The following TTBK2 variants were observed in gnomAD, a reference collection of about 807,000 sequenced individuals.
TTBK2 encodes the protein tau tubulin kinase 2.
In TTBK2, 28 loss-of-function variants were observed where a neutral mutation model predicts 110.8. The ratio of observed to expected loss-of-function variants is 0.25; its 90% CI spans 0.19 to 0.35. TTBK2 has a LOEUF of 0.35. Among genes scored for constraint, TTBK2 ranks in the 10% least tolerant of loss-of-function variants. The pLI is 1.00. For missense variants in TTBK2, 1,369 were observed against 1,500.3 expected, an observed-to-expected ratio of 0.91 and a Z score of 1.45; for synonymous variants, 532 against 527.3, an observed-to-expected ratio of 1.01 and a Z score of -0.12.
chr15:42,871,489 C>T (rs1415486725), intron 3 of TTBK2: 1 of 985,206 alleles, frequency 1.0e-6, no homozygotes, highest in Admixed American at 6.2e-5. Context: ...GGTGAAGTGG[C>T]ACTATCCACA....
chr15:42,830,403 G>A (rs1892704850), intron 4 of TTBK2, among the ~76,000 whole-genome samples: 1 of 151,924 alleles, frequency 6.6e-6, no homozygotes, highest in Non-Finnish European at 1.5e-5. Context: ...GGTCAGGCTG[G>A]TCTCGAACTC....
At chr15:42,893,234 G>A (rs1423773849) in intron 1 of TTBK2, among the ~76,000 whole-genome samples, 1 of 151,944 alleles carries the variant, frequency 6.6e-6, no homozygotes, top group Non-Finnish European at 1.5e-5. Context: ...CAGTGACTTA[G>A]GCCTATAATC....
intron 14 of TTBK2, among the ~76,000 whole-genome samples, chr15:42,748,069 A>C (rs1201702701): frequency 6.6e-6 from 1 of 152,218 alleles, no homozygotes; most frequent in Non-Finnish European, 1.5e-5. Flanking sequence ...ATGAACACTA[A>C]ACTTTTCTAT....
At chr15:42,801,311 C>T (rs772131718) in intron 9 of TTBK2, 16 of 1,604,552 alleles carry the variant, frequency 1.0e-5, no homozygotes, top group East Asian at 2.2e-5. Context: ...GCAGCTGCCG[C>T]GCCATGTCTT....
intron 10 of TTBK2, among the ~76,000 whole-genome samples, chr15:42,793,180 G>A (rs776413164): frequency 6.6e-6 from 1 of 152,202 alleles, no homozygotes; most frequent in African/African-American, 2.4e-5. Context: ...ATGGACTTCT[G>A]TGCCCCACTT....
chr15:42,769,766 C>A (rs1309992515), intron 13 of TTBK2, among the ~76,000 whole-genome samples: 1 of 152,062 alleles, frequency 6.6e-6, no homozygotes, highest in Non-Finnish European at 1.5e-5. Context: ...TGGGTATATA[C>A]CCAAAGGATT....
intron 1 of TTBK2, among the ~76,000 whole-genome samples, chr15:42,914,124 G>A (rs1314806797): frequency 1.3e-5 from 2 of 151,634 alleles, no homozygotes; most frequent in East Asian, 1.9e-4. Context: ...CTACAGGTGC[G>A]TGCCACCATA....
At chr15:42,809,920 G>A (rs1190417017) in intron 9 of TTBK2, among the ~76,000 whole-genome samples, 3 of 152,184 alleles carry the variant, frequency 2.0e-5, no homozygotes, top group Non-Finnish European at 4.4e-5. Context: ...TTAACATGCA[G>A]TAAAGTCTAT....
At chr15:42,855,623 T>TA (rs1219254554) in intron 3 of TTBK2, among the ~76,000 whole-genome samples, 1 of 152,228 alleles carries the variant, frequency 6.6e-6, no homozygotes, top group Non-Finnish European at 1.5e-5. Context: ...TTCATAATGA[T>TA]ACTCAAAACG....
intron 3 of TTBK2, among the ~76,000 whole-genome samples, chr15:42,848,039 GC>G (rs1893541128): frequency 6.6e-6 from 1 of 152,020 alleles, no homozygotes; most frequent in Non-Finnish European, 1.5e-5. Flanking sequence ...TTATAGAGAT[GC>G]GGGTCTCACT....
At chr15:42,854,246 T>A (rs1415200998) in intron 3 of TTBK2, among the ~76,000 whole-genome samples, 1 of 152,226 alleles carries the variant, frequency 6.6e-6, no homozygotes, top group East Asian at 1.9e-4. Context: ...GCCTACAGAA[T>A]ACTTTTAAAA....
chr15:42,783,122 T>C (rs545641396), intron 11 of TTBK2, among the ~76,000 whole-genome samples: 56 of 152,210 alleles, frequency 3.7e-4, no homozygotes, highest in Non-Finnish European at 6.9e-4. Context: ...TCTGAATGTT[T>C]GTGTCCCCCC....
At position 42,828,106 on chromosome 15, in the gene TTBK2, T is replaced by C. The variant is rs115737553; in HGVS notation, c.433-74A>G. 3,243 of 1,189,130 alleles carry C rather than the reference T, an allele frequency of 2.7e-3. 56 individuals carry two copies. In the African/African-American group the frequency reaches 0.042, roughly 15 times the overall value. 73.7% of individuals were successfully genotyped at this position (1,189,130 alleles called of 1,614,324 possible). A position where few individuals can be genotyped will look rare whatever the true frequency, so the allele number is the denominator to read the frequency against. Reference sequence around the variant, plus strand: ...CTTACATTTTATCATTCTTACATTTTAAGTCTTCTTCTATTTAAGCTCTAT... The same window carrying C: ...CTTACATTTTATCATTCTTACATTTCAAGTCTTCTTCTATTTAAGCTCTAT... On this transcript the variant is annotated intron_variant, in intron 5 of 14. Coordinates refer to ENST00000267890, the MANE Select transcript of TTBK2 (RefSeq NM_173500.4).
chr15:42,834,435 A>G (rs1489622542), intron 4 of TTBK2, among the ~76,000 whole-genome samples: 1 of 152,176 alleles, frequency 6.6e-6, no homozygotes, highest in Non-Finnish European at 1.5e-5. Flanking sequence ...CATTAAAAGG[A>G]GCCAAGGCTT....
rs568041566 is a variant in TTBK2 at position 42,875,092 on chromosome 15, CTAAGGACTGG to C, written c.70-2344_70-2335del. Among the ~76,000 whole-genome samples the C allele has an allele frequency of 5.0e-3, 760 of 152,120 alleles. 9 individuals are homozygous for C. The highest frequency in any genetic ancestry group is 0.018 in the African/African-American group (731 of 41,486). On this transcript the variant is annotated intron_variant, in intron 2 of 14. Transcript: ENST00000267890. ...CAGTACCAAACAGATTCCTTTCTAA[CTAAGGACTGG>C]TAGAGGTAGCTTCACGTTTTACCTC...
chr15:42,802,660 C>T (rs999600100), intron 9 of TTBK2, among the ~76,000 whole-genome samples: 43 of 152,132 alleles, frequency 2.8e-4, no homozygotes, highest in African/African-American at 9.7e-4. Context: ...CACATAGCAA[C>T]GGGGATACAT....
intron 1 of TTBK2, among the ~76,000 whole-genome samples, chr15:42,912,585 C>G (rs2030831746): frequency 6.6e-6 from 1 of 152,010 alleles, no homozygotes; most frequent in African/African-American, 2.4e-5. Context: ...GTGGCGGGTG[C>G]CTGTAGTTCC....
chr15:42,874,399 C>A (rs1386329914), intron 2 of TTBK2, among the ~76,000 whole-genome samples: 1 of 151,860 alleles, frequency 6.6e-6, no homozygotes, highest in African/African-American at 2.4e-5. Context: ...CCACTGCAAC[C>A]TCCGCCTCCT....
At chr15:42,895,909 T>C (rs1895649648) in intron 1 of TTBK2, among the ~76,000 whole-genome samples, 1 of 151,918 alleles carries the variant, frequency 6.6e-6, no homozygotes, top group Non-Finnish European at 1.5e-5. Flanking sequence ...CCCATACCCA[T>C]TAGCAGTCAC....
Sources: allele counts gnomAD v4.1 joint callset (sites outside exome capture counted in the v4.1 genomes callset), GRCh38; gene constraint gnomAD v4.1.1; transcripts MANE v1.5; gene names NCBI Gene and HGNC (gene_info 2026-07-23, HGNC 2026-07-21).